The following PTPRD variants were observed in gnomAD, a reference collection of about 807,000 sequenced individuals.
PTPRD encodes the protein receptor-type tyrosine-protein phosphatase delta.
In PTPRD, 34 loss-of-function variants were observed where a neutral mutation model predicts 214.5. The observed-to-expected ratio is 0.16, with a 90% CI of 0.12 to 0.21. The LOEUF (loss-of-function observed/expected upper bound fraction) is 0.21. PTPRD is among the 10% of genes least tolerant of loss of function. PTPRD has a pLI of 1.00. For missense variants in PTPRD, 2,545 were observed against 2,398.7 expected (o/e 1.06, Z -1.27); for synonymous variants, 1,128 against 845.7 (o/e 1.33, Z -5.79).
At chr9:8,983,572 A>G (rs1409229105) in intron 11 of PTPRD, among the ~76,000 whole-genome samples, 1 of 151,364 alleles carries the variant, frequency 6.6e-6, no homozygotes, top group Non-Finnish European at 1.5e-5. Context: ...GCTGGAGTGT[A>G]ATCACACATC....
chr9:8,375,841 T>C (rs2083082834), intron 39 of PTPRD, 95 bp downstream of exon 39: 1 of 1,404,206 alleles, frequency 7.1e-7, no homozygotes, highest in Non-Finnish European at 9.7e-7. Context: ...ATGAAGACAT[T>C]TACTATTCCA....
chr9:9,294,456 C>A (rs1041223094), intron 9 of PTPRD, among the ~76,000 whole-genome samples: 1 of 151,604 alleles, frequency 6.6e-6, no homozygotes, highest in Non-Finnish European at 1.5e-5. Context: ...ACATGTTGAA[C>A]CTCTGACACC....
At chr9:9,768,671 G>A (rs1322238970) in intron 5 of PTPRD, among the ~76,000 whole-genome samples, 1 of 152,072 alleles carries the variant, frequency 6.6e-6, no homozygotes, top group Non-Finnish European at 1.5e-5. Flanking sequence ...CATGACTAGA[G>A]AAACAGAAAA....
At chr9:9,833,244 C>A (rs879617874) in intron 5 of PTPRD, among the ~76,000 whole-genome samples, 1 of 151,866 alleles carries the variant, frequency 6.6e-6, no homozygotes, top group Non-Finnish European at 1.5e-5. Context: ...AATAAAAGGA[C>A]AGAGTACAAA....
chr9:10,283,858 C>A (rs930311393), intron 3 of PTPRD, among the ~76,000 whole-genome samples: 2 of 152,062 alleles, frequency 1.3e-5, no homozygotes, highest in Non-Finnish European at 2.9e-5. Context: ...CATTCTGAAA[C>A]TGGTTAGGGT....
chr9:9,832,278 A>C (rs948504358), intron 5 of PTPRD, among the ~76,000 whole-genome samples: 1 of 151,978 alleles, frequency 6.6e-6, no homozygotes, highest in Non-Finnish European at 1.5e-5. Context: ...ACCAGAAGCA[A>C]AGTAGACAAT....
At chr9:10,425,321 A>G (rs1000509316) in intron 2 of PTPRD, among the ~76,000 whole-genome samples, 7 of 152,052 alleles carry the variant, frequency 4.6e-5, no homozygotes, top group Non-Finnish European at 1.0e-4. Context: ...CACATACTTT[A>G]CAACACATTA....
chr9:8,359,123 C>CAAAA (rs1313543699), intron 39 of PTPRD, among the ~76,000 whole-genome samples: 2 of 14,266 alleles, frequency 1.4e-4, no homozygotes, highest in African/African-American at 3.0e-4. Flanking sequence ...AAAAAAAAAA[C>CAAAA]AAAAAAAAAA....
At chr9:9,900,644 T>TTTTTTTTTTGTTTTTTTTG (rs1555302328) in intron 5 of PTPRD, among the ~76,000 whole-genome samples, 6 of 143,860 alleles carry the variant, frequency 4.2e-5, no homozygotes, top group Non-Finnish European at 8.9e-5. Context: ...TTTTCAGGTT[T>TTTTTTTTTTGTTTTTTTTG]TTTTTTTTTT....
At chr9:10,293,117 A>G (rs2095576040) in intron 3 of PTPRD, among the ~76,000 whole-genome samples, 1 of 151,978 alleles carries the variant, frequency 6.6e-6, no homozygotes, top group African/African-American at 2.4e-5. Context: ...AACCAGGATC[A>G]TGCAGATAAT....
intron 11 of PTPRD, among the ~76,000 whole-genome samples, chr9:8,784,171 G>C (rs2095848150): frequency 6.6e-6 from 1 of 152,124 alleles, no homozygotes; most frequent in Non-Finnish European, 1.5e-5. Context: ...CTGACAAGTG[G>C]ACTCTGCCAA....
intron 12 of PTPRD, among the ~76,000 whole-genome samples, chr9:8,660,659 T>TA (rs2097023724): frequency 1.3e-5 from 2 of 152,144 alleles, no homozygotes; most frequent in Non-Finnish European, 2.9e-5. Context: ...AAACTGGACT[T>TA]GTTCTTTCTT....
chr9:9,208,011 A>C (rs2099945964), intron 9 of PTPRD, among the ~76,000 whole-genome samples: 1 of 47,070 alleles, frequency 2.1e-5, no homozygotes, highest in African/African-American at 5.7e-5. Context: ...GGCTATTCAT[A>C]TATATCTGCT....
At chr9:8,949,837 A>G (rs2099092143) in intron 11 of PTPRD, among the ~76,000 whole-genome samples, 1 of 152,132 alleles carries the variant, frequency 6.6e-6, no homozygotes, top group African/African-American at 2.4e-5. Context: ...TTGAATTTTG[A>G]TTGTTGCCTA....
chr9:10,318,032 T>C (rs1395294662), intron 3 of PTPRD, among the ~76,000 whole-genome samples: 1 of 152,094 alleles, frequency 6.6e-6, no homozygotes, highest in Non-Finnish European at 1.5e-5. Context: ...GTCTGTCTAC[T>C]ACTTGTTCTG....
intron 8 of PTPRD, among the ~76,000 whole-genome samples, chr9:9,501,830 C>T (rs900498930): frequency 1.3e-5 from 2 of 151,662 alleles, no homozygotes; most frequent in African/African-American, 4.8e-5. Context: ...GAAGATATCA[C>T]AAAGAACTTT....
chr9:10,564,171 C>CTTTT (rs71332760), intron 2 of PTPRD, among the ~76,000 whole-genome samples: 11,280 of 29,130 alleles, frequency 0.39, 4,422 homozygotes, highest in Non-Finnish European at 0.48. Context: ...CTAGGCTATT[C>CTTTT]TTTTTTTTTT....
At chr9:9,069,303 CA>C (rs758880524) in intron 10 of PTPRD, among the ~76,000 whole-genome samples, 1 of 151,842 alleles carries the variant, frequency 6.6e-6, no homozygotes, top group Non-Finnish European at 1.5e-5. Context: ...GCAGTAAATA[CA>C]AAAAAAGTAT....
chr9:9,261,272 C>T (rs2099979997), intron 9 of PTPRD, among the ~76,000 whole-genome samples: 1 of 151,774 alleles, frequency 6.6e-6, no homozygotes, highest in Admixed American at 6.6e-5. Context: ...TTATAGGCTT[C>T]ATTTTTTAGA....
Sources: allele counts gnomAD v4.1 joint callset (sites outside exome capture counted in the v4.1 genomes callset), GRCh38; gene constraint gnomAD v4.1.1; transcripts MANE v1.5; gene names NCBI Gene and HGNC (gene_info 2026-07-23, HGNC 2026-07-21).